Variants in LRCH2 observed in about 807,000 individuals in gnomAD.
LRCH2 encodes the protein leucine rich repeats and calponin homology domain containing 2.
A neutral mutation model predicts 68.9 loss-of-function variants in LRCH2; 38 were observed. The ratio of observed to expected loss-of-function variants is 0.55; its 90% CI spans 0.43 to 0.72. The LOEUF (loss-of-function observed/expected upper bound fraction) is 0.72, where lower values mean the gene tolerates loss of function less well. Among genes scored for constraint, LRCH2 ranks in the 30% least tolerant of loss-of-function variants. The pLI, the probability that LRCH2 is intolerant of heterozygous loss-of-function variation, is 0.00. For synonymous variants in LRCH2, 191 were observed against 208.1 expected, an observed-to-expected ratio of 0.92 and a Z score of 0.71; for missense variants, 528 against 572.9, an observed-to-expected ratio of 0.92 and a Z score of 0.80.
intron 16 of LRCH2, among the ~76,000 whole-genome samples, chrX:115,125,412 T>C (rs1603022850): frequency 0.02 from 1 of 50 alleles, no homozygotes; most frequent in Non-Finnish European, 0.031. Flanking sequence ...GTGTCATATA[T>C]ATATATATAT....
intron 1 of LRCH2, chrX:115,190,044 C>G (rs2072774630): frequency 3.5e-6 from 4 of 1,157,555 alleles, no homozygotes; most frequent in Non-Finnish European, 4.6e-6. Flanking sequence ...GCTGGGCCGG[C>G]CCACCCCACA....
At chrX:115,179,375 T>C in intron 5 of LRCH2, 52 bp downstream of exon 5, 1 of 989,670 alleles carries the variant, frequency 1.0e-6, no homozygotes, top group South Asian at 3.1e-5. Flanking sequence ...CATAAACAGA[T>C]AAAATTATGA....
intron 1 of LRCH2, chrX:115,192,995 A>C: frequency 4.6e-6 from 1 of 217,245 alleles, no homozygotes. Context: ...CTCACCTAAA[A>C]TGGAAAAATG....
At chrX:115,174,072 T>C (rs950012469) in intron 5 of LRCH2, among the ~76,000 whole-genome samples, 2 of 111,529 alleles carry the variant, frequency 1.8e-5, no homozygotes, top group Non-Finnish European at 3.8e-5. Flanking sequence ...TCCAAAGTTA[T>C]ACATGGATTT....
intron 1 of LRCH2, among the ~76,000 whole-genome samples, chrX:115,219,610 G>A (rs148450352): frequency 1.6e-3 from 179 of 111,673 alleles, no homozygotes; most frequent in African/African-American, 5.5e-3. Context: ...CCAAACTGGA[G>A]GGACTAAATG....
intron 14 of LRCH2, among the ~76,000 whole-genome samples, chrX:115,148,071 TAA>T (rs11299559): frequency 8.7e-4 from 92 of 105,932 alleles, no homozygotes; most frequent in African/African-American, 3.0e-3. Flanking sequence ...CTCTGTCTCT[TAA>T]AAAAAAAAAT....
At chrX:115,155,038 C>CAAAAAAA (rs561385926) in intron 12 of LRCH2, among the ~76,000 whole-genome samples, 1 of 41,860 alleles carries the variant, frequency 2.4e-5, no homozygotes, top group African/African-American at 1.0e-4. Flanking sequence ...AAGACTCTGT[C>CAAAAAAA]AAAAAAAAAA....
At chrX:115,191,532 C>A (rs781846054) in intron 1 of LRCH2, 4 of 1,121,084 alleles carry the variant, frequency 3.6e-6, no homozygotes, top group Middle Eastern at 2.5e-4. Context: ...ACAGTTCCAG[C>A]CAGAGCAACC....
intron 1 of LRCH2, among the ~76,000 whole-genome samples, chrX:115,220,012 A>G (rs1556572964): frequency 1.8e-5 from 2 of 112,106 alleles, no homozygotes; most frequent in African/African-American, 6.5e-5. Flanking sequence ...ACTCTTTCCC[A>G]TAAAGTTTAA....
intron 5 of LRCH2, among the ~76,000 whole-genome samples, chrX:115,171,048 A>G (rs1166821162): frequency 8.9e-6 from 1 of 111,984 alleles, no homozygotes. Flanking sequence ...CTATGTGAGC[A>G]AAGATACTCT....
At position 115,233,862 on chromosome X, in the gene LRCH2, G is replaced by T; in HGVS notation, c.180C>A (p.Phe60Leu). 1 of 1,166,770 alleles carries T rather than the reference G, an allele frequency of 8.6e-7. No individual in the cohort carries two copies. The highest frequency in any genetic ancestry group is 1.9e-5 in the South Asian group (1 of 52,649). The change falls in exon 1 of 21, where the codon TTC becomes TTA. Residue 60 changes from phenylalanine (F) to leucine (L), a missense_variant. Coordinates refer to ENST00000317135, the MANE Select transcript of LRCH2 (RefSeq NM_020871.4). ...IPVPTLFGQP[F>L]PNGPPWNPGS... ...CCGGGTTCCACGGCGGCCCGTTGGG[G>T]AACGGCTGACCGAAAAGAGTCGGTA...
chrX:115,211,765 C>CCA (rs1217765326), intron 1 of LRCH2, among the ~76,000 whole-genome samples: 2 of 111,054 alleles, frequency 1.8e-5, no homozygotes. Context: ...CCACACACCC[C>CCA]CCCAAGATTG....
At chrX:115,216,198 C>G (rs1556571533) in intron 1 of LRCH2, among the ~76,000 whole-genome samples, 4 of 111,576 alleles carry the variant, frequency 3.6e-5, no homozygotes, top group Non-Finnish European at 7.5e-5. Context: ...AGTATAATAA[C>G]TAGAGTATTT....
intron 12 of LRCH2, 26 bp downstream of exon 12, chrX:115,156,576 A>G: frequency 9.6e-7 from 1 of 1,040,689 alleles, no homozygotes; most frequent in Non-Finnish European, 1.3e-6. Context: ...AAAATATTAA[A>G]TGTAAAAACT....
At chrX:115,146,586 A>G (rs1603038422) in intron 14 of LRCH2, among the ~76,000 whole-genome samples, 1 of 109,396 alleles carries the variant, frequency 9.1e-6, no homozygotes, top group Middle Eastern at 4.7e-3. Flanking sequence ...AAATAAAAAA[A>G]GATGTTTAAT....
At chrX:115,124,439 T>C (rs1204424191) in intron 16 of LRCH2, among the ~76,000 whole-genome samples, 8 of 112,431 alleles carry the variant, frequency 7.1e-5, no homozygotes, top group African/African-American at 9.7e-5. Flanking sequence ...TGCAGAATGA[T>C]AGATGATAAA....
intron 1 of LRCH2, among the ~76,000 whole-genome samples, chrX:115,232,231 T>C (rs1445358811): frequency 9.9e-6 from 1 of 100,554 alleles, no homozygotes; most frequent in Non-Finnish European, 2.0e-5. Flanking sequence ...GGATCCTTTA[T>C]AGGTTAGAAA....
intron 1 of LRCH2, among the ~76,000 whole-genome samples, chrX:115,223,259 T>C (rs2073096680): frequency 9.0e-6 from 1 of 111,176 alleles, no homozygotes; most frequent in South Asian, 3.7e-4. Flanking sequence ...TAAGGATAAA[T>C]CGTTCTGACC....
chrX:115,169,281 C>G (rs1556546548), intron 6 of LRCH2, among the ~76,000 whole-genome samples: 1 of 111,716 alleles, frequency 9.0e-6, no homozygotes, highest in African/African-American at 3.3e-5. Context: ...ATAACTGAAT[C>G]TACCAGTAGG....
Sources: allele counts gnomAD v4.1 joint callset (sites outside exome capture counted in the v4.1 genomes callset), GRCh38; gene constraint gnomAD v4.1.1; transcripts MANE v1.5; gene names NCBI Gene and HGNC (gene_info 2026-07-23, HGNC 2026-07-21).